The following SYN2 variants were observed in gnomAD, a reference collection of about 807,000 sequenced individuals.
The protein encoded by SYN2 is synapsin-2.
SYN2 carries 19 observed loss-of-function variants against 50.9 expected under a neutral mutation model. The ratio of observed to expected loss-of-function variants is 0.37; its 90% CI spans 0.26 to 0.55. The LOEUF (loss-of-function observed/expected upper bound fraction) is 0.55. Among genes scored for constraint, SYN2 ranks in the 20% least tolerant of loss-of-function variants. The probability of loss-of-function intolerance (pLI) is 0.81; values close to 1 mark genes in which losing one functional copy is unlikely to be tolerated. For synonymous variants in SYN2, 255 were observed against 224.9 expected, an observed-to-expected ratio of 1.13 and a Z score of -1.20; for missense variants, 587 against 576.4, an observed-to-expected ratio of 1.02 and a Z score of -0.19.
rs963636065 is a variant in SYN2 at position 12,187,433 on chromosome 3, C to G, written c.1434C>G (p.Pro478=). 14 of 1,552,770 alleles carry G rather than the reference C, an allele frequency of 9.0e-6. No individual in the cohort carries two copies. Among genetic ancestry groups the G allele is most frequent in the Non-Finnish European group, 9.6e-6 (11 of 1,147,466 alleles). Residue 478 remains proline (P), a synonymous_variant, in exon 12 of 13, where the codon CCC becomes CCG. Coordinates refer to ENST00000621198, the MANE Select transcript of SYN2 (RefSeq NM_133625.6). ...AGGTGCTGCCTCCACGCCGGCTCCCCCCTGGACCATCACTGCCACCTTCCT... is the reference window on the plus strand; with the variant it reads ...AGGTGCTGCCTCCACGCCGGCTCCCGCCTGGACCATCACTGCCACCTTCCT... ...PGKVLPPRRL[P]PGPSLPPSSS...
chr3:12,169,682 C>T (rs1485793558), intron 9 of SYN2, 75 bp from the exon 10 acceptor site: 1 of 1,549,230 alleles, frequency 6.5e-7, no homozygotes, highest in East Asian at 2.3e-5. Context: ...TTAATTCCTA[C>T]CCATTCTGAA....
At chr3:12,183,601 G>A in intron 11 of SYN2, 2 of 1,470,324 alleles carry the variant, frequency 1.4e-6, no homozygotes, top group Non-Finnish European at 1.8e-6. Context: ...TCCTCTGTCT[G>A]GTTGTTTACC....
At chr3:12,009,108 C>T (rs1345111273) in intron 1 of SYN2, among the ~76,000 whole-genome samples, 3 of 152,166 alleles carry the variant, frequency 2.0e-5, no homozygotes, top group Non-Finnish European at 4.4e-5. Context: ...ATACTTTAAG[C>T]GTCTTATTTC....
In SYN2 at chr3:12,004,506, G is replaced by T. The variant is rs779709128; in HGVS notation, c.-46G>T. ...CCTTCCGCCCTCGCTCTCCCTCCGC[G>T]CCACCAGACCCCGTAGCCCCGCGCG... On this transcript the variant is annotated 5_prime_UTR_variant, in exon 1 of 13. Transcript: ENST00000621198. The T allele has an allele frequency of 4.1e-6, 2 of 482,970 alleles. No homozygotes were observed. Among genetic ancestry groups the T allele is most frequent in the Non-Finnish European group, 7.8e-6 (2 of 256,256 alleles). 29.9% of individuals were successfully genotyped at this position (482,970 alleles called of 1,614,324 possible).
rs1698429640 is a variant in SYN2, at chr3:12,190,687, A to G, written c.*62A>G. The G allele has an allele frequency of 2.5e-6, 4 of 1,583,398 alleles. No individual in the cohort carries two copies. The South Asian group carries it at 4.6e-5, about 18-fold the overall frequency. On this transcript the variant is annotated 3_prime_UTR_variant, in exon 13 of 13. Coordinates refer to ENST00000621198, the MANE Select transcript of SYN2 (RefSeq NM_133625.6). ...AAGGCATCTAAGACATTCACCAACA[A>G]CAGTCAGCCAGCTTGGTGGTTATGT...
chr3:12,064,705 A>G (rs1695174493), intron 1 of SYN2, among the ~76,000 whole-genome samples: 1 of 152,128 alleles, frequency 6.6e-6, no homozygotes, highest in African/African-American at 2.4e-5. Flanking sequence ...TAGGACAACT[A>G]TAATAAAAAA....
At chr3:12,015,657 C>T (rs188722076) in intron 1 of SYN2, among the ~76,000 whole-genome samples, 36 of 152,308 alleles carry the variant, frequency 2.4e-4, no homozygotes, top group Middle Eastern at 6.8e-3. Context: ...AGGCTGATTA[C>T]GTACCTGCTC....
chr3:12,179,099 G>A (rs1032151239), intron 10 of SYN2, among the ~76,000 whole-genome samples: 6 of 152,162 alleles, frequency 3.9e-5, no homozygotes, highest in African/African-American at 1.4e-4. Context: ...GAGGAGTCTT[G>A]AGCTTCACCA....
intron 1 of SYN2, among the ~76,000 whole-genome samples, chr3:12,078,293 C>G (rs1418017872): frequency 1.3e-5 from 2 of 152,252 alleles, no homozygotes; most frequent in Admixed American, 1.3e-4. Flanking sequence ...TAGTTTTTTG[C>G]TGTGCAGAAG....
chr3:12,121,908 G>A (rs962665610), intron 1 of SYN2, among the ~76,000 whole-genome samples: 1 of 152,152 alleles, frequency 6.6e-6, no homozygotes, highest in Non-Finnish European at 1.5e-5. Flanking sequence ...TTGGTAAGAC[G>A]GGGCAGCAGG....
intron 1 of SYN2, among the ~76,000 whole-genome samples, chr3:12,062,771 A>T (rs937722517): frequency 6.6e-6 from 1 of 152,080 alleles, no homozygotes; most frequent in Non-Finnish European, 1.5e-5. Context: ...TGCCAAGACA[A>T]AAACCTGCAT....
rs545321323 is a variant in SYN2 at position 12,081,216 on chromosome 3, C to G, written c.378-59435C>G. Among the ~76,000 whole-genome samples, 442 of 152,236 alleles carry G rather than the reference C, an allele frequency of 2.9e-3. 2 individuals are homozygous for G. Among genetic ancestry groups the G allele is most frequent in the Middle Eastern group, 0.02 (6 of 294 alleles). ...AAAATCTGCCTTTTATTTATGCATG[C>G]ACTATTGCTTTTCCTAATGCATTGC... On this transcript the variant is annotated intron_variant, in intron 1 of 12. Transcript: ENST00000621198.
intron 1 of SYN2, among the ~76,000 whole-genome samples, chr3:12,016,106 T>C (rs1694024123): frequency 1.3e-5 from 2 of 152,218 alleles, no homozygotes; most frequent in African/African-American, 2.4e-5. Flanking sequence ...TCCAGTGATA[T>C]AGTGTGAATC....
intron 1 of SYN2, among the ~76,000 whole-genome samples, chr3:12,100,598 C>T (rs1696051477): frequency 6.6e-6 from 1 of 151,440 alleles, no homozygotes; most frequent in Non-Finnish European, 1.5e-5. Context: ...AAAGCACAAG[C>T]AATAAAAGAA....
intron 5 of SYN2, among the ~76,000 whole-genome samples, chr3:12,160,124 C>T (rs1207587215): frequency 1.3e-5 from 2 of 150,782 alleles, no homozygotes. Flanking sequence ...AGAGCCTTGT[C>T]TGCTGTTTGG....
At chr3:12,180,211 A>G (rs1698191466) in intron 10 of SYN2, among the ~76,000 whole-genome samples, 1 of 150,404 alleles carries the variant, frequency 6.6e-6, no homozygotes, top group South Asian at 2.1e-4. Context: ...GGCCTCCCAC[A>G]GTGTTGGGAT....
chr3:12,010,735 T>C (rs1693896971), intron 1 of SYN2, among the ~76,000 whole-genome samples: 1 of 152,256 alleles, frequency 6.6e-6, no homozygotes. Context: ...TCTAATTTTT[T>C]TCTATATGGT....
chr3:12,147,120 A>G (rs1371379193), intron 4 of SYN2, among the ~76,000 whole-genome samples: 2 of 152,162 alleles, frequency 1.3e-5, no homozygotes, highest in Non-Finnish European at 2.9e-5. Context: ...TGGATTGCCA[A>G]GGTTCCTGGA....
intron 1 of SYN2, among the ~76,000 whole-genome samples, chr3:12,087,421 G>A (rs903244638): frequency 2.0e-5 from 3 of 152,064 alleles, no homozygotes; most frequent in African/African-American, 7.2e-5. Flanking sequence ...TGAGCAAGAA[G>A]AACAAAACTG....
Sources: allele counts gnomAD v4.1 joint callset (sites outside exome capture counted in the v4.1 genomes callset), GRCh38; gene constraint gnomAD v4.1.1; transcripts MANE v1.5; gene names NCBI Gene and HGNC (gene_info 2026-07-23, HGNC 2026-07-21).